The following GLRX2 variants were observed in gnomAD, a reference collection of about 807,000 sequenced individuals.
The protein encoded by GLRX2 is bA101E13.1 (GRX2 glutaredoxin (thioltransferase) 2).
A neutral mutation model predicts 16.4 loss-of-function variants in GLRX2; 12 were observed. The ratio of observed to expected loss-of-function variants is 0.73; its 90% CI spans 0.47 to 1.19. The LOEUF is 1.19. Among genes scored for constraint, GLRX2 ranks in the 50% most tolerant of loss-of-function variants. The pLI is 0.00. For synonymous variants in GLRX2, 95 were observed against 76.2 expected (o/e 1.25, Z -1.28); for missense variants, 201 against 201.8 (o/e 1.00, Z 0.02).
chr1:193,105,988 C>CAAAA (rs3079948), upstream of GLRX2: 111 of 900,788 alleles, frequency 1.2e-4, no homozygotes, highest in Middle Eastern at 5.7e-4. Context: ...CACCACCTGC[C>CAAAA]AAAAAAAAAA....
intron 1 of GLRX2, among the ~76,000 whole-genome samples, chr1:193,104,547 T>C (rs1340647268): frequency 6.6e-6 from 1 of 152,206 alleles, no homozygotes; most frequent in Non-Finnish European, 1.5e-5. Flanking sequence ...ATCAAGTAGA[T>C]AGCGAGACAG....
intron 2 of GLRX2, among the ~76,000 whole-genome samples, chr1:193,099,335 T>TG (rs1675026687): frequency 6.6e-6 from 1 of 152,146 alleles, no homozygotes; most frequent in Admixed American, 6.5e-5. Flanking sequence ...GTCTAGGTTT[T>TG]TTTTTGTTTT....
upstream of GLRX2, chr1:193,105,415 G>A (rs1459498265): frequency 6.7e-7 from 1 of 1,488,702 alleles, no homozygotes; most frequent in Non-Finnish European, 8.9e-7. Flanking sequence ...GAGCTCTACT[G>A]CCGGACACCG....
At chr1:193,105,911 A>G (rs1314229689), upstream of GLRX2, 1 of 1,097,968 alleles carries the variant, frequency 9.1e-7, no homozygotes, top group African/African-American at 1.6e-5. Context: ...ATTGGGGTTT[A>G]CATCCATAAT....
intron 1 of GLRX2, among the ~76,000 whole-genome samples, chr1:193,103,176 GA>G (rs895096896): frequency 2.0e-5 from 3 of 149,316 alleles, no homozygotes; most frequent in African/African-American, 7.4e-5. Flanking sequence ...CACCTAATAG[GA>G]AAAAAAAAAT....
At chr1:193,096,919 G>GAT (rs751214984) in intron 3 of GLRX2, among the ~76,000 whole-genome samples, 160 bp from the exon 4 acceptor site, 4 of 152,278 alleles carry the variant, frequency 2.6e-5, no homozygotes, top group Admixed American at 6.5e-5. Flanking sequence ...CTTTAAGGTA[G>GAT]GTATTATTTT....
At chr1:193,097,905 T>C (rs932675175) in intron 2 of GLRX2, 145 bp from the exon 3 acceptor site, 3 of 525,312 alleles carry the variant, frequency 5.7e-6, no homozygotes, top group African/African-American at 3.9e-5. Context: ...CATCTGCAGA[T>C]TGAGGATATT....
chr1:193,105,294 G>A lies in GLRX2; in HGVS notation c.89C>T (p.Ala30Val). 6.5e-7 allele frequency: 1 copy of A among 1,529,502 alleles called. No individual in the cohort carries two copies. The highest frequency in any genetic ancestry group is 8.7e-7 in the Non-Finnish European group (1 of 1,147,222). The allele number at this position is 1,529,502 out of a possible 1,614,324, so 94.7% of individuals were successfully genotyped here. ...GGCCGCAGCTGCCGCAGCTCCCGCA[G>A]CTCCCGCCGCCCTGTCAAGCCAGCC... ...SAGWLDRAAG[A>V]AGAAAAAASG... The change falls in exon 1 of 4, where the codon GCT (alanine) becomes GTT (valine). Residue 30 changes from alanine (A) to valine (V), a missense_variant. By Grantham distance (64) the Ala-to-Val change is moderately conservative. Coordinates refer to ENST00000367439, the MANE Select transcript of GLRX2 (RefSeq NM_197962.3).
rs1057260794 is a variant in GLRX2, at chr1:193,101,592, G to A, written c.120-388C>T. On this transcript the variant is annotated intron_variant, in intron 1 of 3. Transcript: ENST00000367439. Reference sequence around the variant, plus strand: ...CATGCCAAAACTCTATGAACACACTGTGAAGCAGGGAATCTTCAAAGATTT... The same window carrying A: ...CATGCCAAAACTCTATGAACACACTATGAAGCAGGGAATCTTCAAAGATTT... Among the ~76,000 whole-genome samples the A allele has an allele frequency of 2.0e-5, 3 of 152,174 alleles. No homozygotes were observed. The East Asian group carries it at 5.8e-4, about 29-fold the overall frequency.
chr1:193,103,974 A>G lies in GLRX2; in HGVS notation c.119+1290T>C, dbSNP rs552299557. Among the ~76,000 whole-genome samples the G allele has an allele frequency of 5.9e-5, 9 of 152,328 alleles. No homozygotes were observed. In the East Asian group the frequency reaches 1.7e-3, roughly 29 times the overall value. On this transcript the variant is annotated intron_variant, in intron 1 of 3. Transcript: ENST00000367439. The stretch of plus-strand genomic sequence containing the variant: ...GTTAGGCAGCACTGGCCTAGCCCTA[A>G]GGAAGAGCATTGGTGGAATAAATCA...
intron 1 of GLRX2, among the ~76,000 whole-genome samples, chr1:193,102,226 GTATT>G (rs1405945212): frequency 9.2e-5 from 14 of 152,178 alleles, no homozygotes; most frequent in African/African-American, 2.4e-4. Flanking sequence ...AATCAATACT[GTATT>G]CATTCATTGG....
intron 1 of GLRX2, 44 bp downstream of exon 1, chr1:193,105,220 G>A (rs762698759): frequency 6.5e-7 from 1 of 1,527,332 alleles, no homozygotes; most frequent in Non-Finnish European, 8.7e-7. Flanking sequence ...CCCCCGCAAG[G>A]CCTGCGCACC....
Position 193,097,831 on chromosome 1 carries a change from G to T in GLRX2, c.184-71C>A. ...TTTGGAAATAAATTAAGATATAATG[G>T]AAAGGGTATGGATTTTGGTCTCTCA... On this transcript the variant is annotated intron_variant, in intron 2 of 3. Coordinates refer to ENST00000367439, the MANE Select transcript of GLRX2 (RefSeq NM_197962.3). 3 of 1,120,748 alleles carry T rather than the reference G, an allele frequency of 2.7e-6. No homozygotes were observed. In the Admixed American group the frequency reaches 8.5e-5, roughly 32 times the overall value. The allele number at this position is 1,120,748 out of a possible 1,614,324, so 69.4% of individuals were successfully genotyped here.
intron 3 of GLRX2, 56 bp from the exon 4 acceptor site, chr1:193,096,815 A>C (rs2103097077): frequency 1.5e-6 from 2 of 1,320,214 alleles, no homozygotes; most frequent in Non-Finnish European, 2.1e-6. Flanking sequence ...AACTAAGATC[A>C]TTTCACATAA....
chr1:193,104,280 A>C (rs897509410), intron 1 of GLRX2, among the ~76,000 whole-genome samples: 4 of 152,198 alleles, frequency 2.6e-5, no homozygotes, highest in African/African-American at 9.7e-5. Context: ...CGGAGGAAGT[A>C]AGTGCACAAT....
chr1:193,102,305 A>C (rs1198965572), intron 1 of GLRX2, among the ~76,000 whole-genome samples: 1 of 151,980 alleles, frequency 6.6e-6, no homozygotes, highest in African/African-American at 2.4e-5. Context: ...GTTTTGTTTA[A>C]TTTTTGCAAT....
chr1:193,098,317 G>C (rs1021407422), intron 2 of GLRX2, among the ~76,000 whole-genome samples: 22 of 152,076 alleles, frequency 1.4e-4, no homozygotes, highest in African/African-American at 4.1e-4. Flanking sequence ...GAAGCAGGCA[G>C]ATCACTTGAG....
At position 193,105,384 on chromosome 1, in the gene GLRX2, G is replaced by T. The variant is rs1223080525; in HGVS notation, c.-2C>A. On this transcript the variant is annotated 5_prime_UTR_variant, in exon 1 of 4. Transcript: ENST00000367439. ...CAGCGCCGCGCGGCGCCAAATCATGGTCAGAGCCCGGATCTGCAGCGAGCT... is the reference window on the plus strand; with the variant it reads ...CAGCGCCGCGCGGCGCCAAATCATGTTCAGAGCCCGGATCTGCAGCGAGCT... The T allele has an allele frequency of 2.6e-6, 4 of 1,540,898 alleles. No individual in the cohort carries two copies. Among genetic ancestry groups the T allele is most frequent in the Non-Finnish European group, 2.6e-6 (3 of 1,154,164 alleles).
intron 2 of GLRX2, among the ~76,000 whole-genome samples, chr1:193,099,537 G>A (rs1197385293): frequency 6.6e-6 from 1 of 152,078 alleles, no homozygotes; most frequent in African/African-American, 2.4e-5. Flanking sequence ...TCGCCATGTT[G>A]CCCAAGCTGG....
Sources: allele counts gnomAD v4.1 joint callset (sites outside exome capture counted in the v4.1 genomes callset), GRCh38; gene constraint gnomAD v4.1.1; transcripts MANE v1.5; gene names NCBI Gene and HGNC (gene_info 2026-07-23, HGNC 2026-07-21).